Variants in PSMD1 observed in about 807,000 individuals in gnomAD.
PSMD1 encodes the protein proteasome 26S subunit, non-ATPase 1.
Under a neutral mutation model 119.0 loss-of-function variants are expected in PSMD1, and 18 were observed. The ratio of observed to expected loss-of-function variants is 0.15; its 90% confidence interval spans 0.10 to 0.22. The LOEUF (loss-of-function observed/expected upper bound fraction) is 0.22, where lower values mean the gene tolerates loss of function less well. PSMD1 is among the 10% of genes least tolerant of loss of function. The pLI is 1.00. For missense variants in PSMD1, 702 were observed against 1,158.5 expected (o/e 0.61, Z 5.72); for synonymous variants, 374 against 396.6 (o/e 0.94, Z 0.68).
chr2:231,139,565 AAAAAAAAAAAG>A (rs1274725987), intron 17 of PSMD1, among the ~76,000 whole-genome samples: 2 of 148,502 alleles, frequency 1.3e-5, no homozygotes, highest in African/African-American at 5.0e-5. Flanking sequence ...TCTTAAAAAA[AAAAAAAAAAAG>A]AAGAAGAAGA....
chr2:231,157,411 CTGTT>C lies in PSMD1; in HGVS notation c.2218+3749_2218+3752del, dbSNP rs1205767665. Among the ~76,000 whole-genome samples, 4 of 149,462 alleles carry C rather than the reference CTGTT, an allele frequency of 2.7e-5. No individual in the cohort carries two copies. In the South Asian group the frequency reaches 6.4e-4, roughly 24 times the overall value. ...GTTCTCTTCCTTCCTCTTTCAGCCT[CTGTT>C]TGTCTTTTCTTTTTCTTTTTTTTTT... On this transcript the variant is annotated intron_variant, in intron 19 of 24. Transcript: ENST00000308696.
chr2:231,110,051 G>A (rs1174018606), intron 16 of PSMD1, among the ~76,000 whole-genome samples: 3 of 152,172 alleles, frequency 2.0e-5, no homozygotes, highest in Admixed American at 6.5e-5. Context: ...GCACAGTGGC[G>A]CTCATGCCTG....
chr2:231,163,312 A>T, intron 20 of PSMD1: 1 of 220,806 alleles, frequency 4.5e-6, no homozygotes, highest in South Asian at 1.3e-4. Flanking sequence ...TAGACCATCA[A>T]ATGCTTTACA....
chr2:231,058,094 T>G (rs1396247662), intron 1 of PSMD1, among the ~76,000 whole-genome samples: 2 of 152,230 alleles, frequency 1.3e-5, no homozygotes, highest in African/African-American at 4.8e-5. Context: ...CACTTGTACC[T>G]GAAATAAGAC....
chr2:231,061,293 G>A lies in PSMD1; in HGVS notation c.43G>A (p.Asp15Asn), dbSNP rs1399069065. 6.3e-7 allele frequency: 1 copy of A among 1,597,426 alleles called. No homozygotes were observed. Among genetic ancestry groups the A allele is most frequent in the Non-Finnish European group, 8.6e-7 (1 of 1,166,716 alleles). Residue 15 changes from aspartate to asparagine, a missense_variant, in exon 2 of 25, where the codon GAT becomes AAT. Around this residue, in one of 9 missense-constraint regions of PSMD1, gnomAD observed 60 missense variants for 118.2 expected, o/e 0.51. Transcript: ENST00000308696. ...AAGIISLLDEDEPQLKEFALH... is the reference protein window; with the variant it reads ...AAGIISLLDENEPQLKEFALH... ...TGGAATTATTTCTCTTCTGGATGAA[G>A]ATGAACCACAGCTTAAGGTATGAAT...
intron 16 of PSMD1, among the ~76,000 whole-genome samples, chr2:231,101,645 G>A (rs531836679): frequency 6.6e-6 from 1 of 152,230 alleles, no homozygotes; most frequent in South Asian, 2.1e-4. Flanking sequence ...AGCTAATGTG[G>A]CAGACTTCAT....
At chr2:231,062,225 A>G (rs1252498506) in intron 2 of PSMD1, 23 bp from the exon 3 acceptor site, 1 of 1,546,366 alleles carries the variant, frequency 6.5e-7, no homozygotes, top group African/African-American at 1.4e-5. Context: ...ATCTCAAAAT[A>G]GGATTTTGGT....
intron 16 of PSMD1, among the ~76,000 whole-genome samples, chr2:231,090,135 A>G (rs1371985881): frequency 6.6e-6 from 1 of 152,258 alleles, no homozygotes. Context: ...GGAGTTGTAC[A>G]AGGAGATTAA....
intron 6 of PSMD1, among the ~76,000 whole-genome samples, chr2:231,071,739 G>A (rs1694044998): frequency 6.6e-6 from 1 of 152,154 alleles, no homozygotes; most frequent in Non-Finnish European, 1.5e-5. Flanking sequence ...GATCATAAGA[G>A]TAGTAAGAGA....
chr2:231,127,793 A>G (rs923670229), intron 16 of PSMD1, among the ~76,000 whole-genome samples: 1 of 152,244 alleles, frequency 6.6e-6, no homozygotes, highest in Admixed American at 6.5e-5. Context: ...AAATAATAAG[A>G]AATATAAAAG....
chr2:231,065,172 T>G (rs1693871819), intron 4 of PSMD1, among the ~76,000 whole-genome samples: 1 of 151,568 alleles, frequency 6.6e-6, no homozygotes, highest in Non-Finnish European at 1.5e-5. Context: ...TGCCCTCGTC[T>G]TCTTACTTAT....
chr2:231,068,640 A>G (rs531000162), intron 5 of PSMD1, among the ~76,000 whole-genome samples: 185 of 152,292 alleles, frequency 1.2e-3, no homozygotes, highest in Non-Finnish European at 2.1e-3. Flanking sequence ...TCCATCCCGC[A>G]TGGGATGTGA....
rs1463573386 is a variant in PSMD1, at chr2:231,158,855, T to C, written c.2219-2485T>C. 1.8e-4 allele frequency among the ~76,000 whole-genome samples: 27 copies of C among 152,216 alleles called. 1 individual carries two copies. The highest frequency in any genetic ancestry group is 1.8e-3 in the Admixed American group (27 of 15,276). ...TAGTTAGCATTCAGTGAATGGGGGTTAGCGTAGGGAAGAGTACAAGTAGAC... is the reference window on the plus strand; with the variant it reads ...TAGTTAGCATTCAGTGAATGGGGGTCAGCGTAGGGAAGAGTACAAGTAGAC... On this transcript the variant is annotated intron_variant, in intron 19 of 24. Coordinates refer to ENST00000308696, the MANE Select transcript of PSMD1 (RefSeq NM_002807.4).
At chr2:231,132,171 T>G (rs1249406501) in intron 16 of PSMD1, among the ~76,000 whole-genome samples, 1 of 152,228 alleles carries the variant, frequency 6.6e-6, no homozygotes, top group East Asian at 1.9e-4. Flanking sequence ...CTATCCCCTT[T>G]CAGAAAACTT....
At chr2:231,075,807 T>C (rs1367211918) in intron 8 of PSMD1, among the ~76,000 whole-genome samples, 1 of 152,114 alleles carries the variant, frequency 6.6e-6, no homozygotes, top group African/African-American at 2.4e-5. Flanking sequence ...GGTCATGAAC[T>C]CCTGAGCTCA....
intron 16 of PSMD1, among the ~76,000 whole-genome samples, chr2:231,100,409 A>C (rs1694835797): frequency 6.6e-6 from 1 of 152,042 alleles, no homozygotes; most frequent in Non-Finnish European, 1.5e-5. Flanking sequence ...CTGATTGGCT[A>C]ATTTAAAGAG....
intron 12 of PSMD1, among the ~76,000 whole-genome samples, chr2:231,080,868 C>T (rs1694292437): frequency 6.6e-6 from 1 of 152,102 alleles, no homozygotes; most frequent in Admixed American, 6.6e-5. Flanking sequence ...CAGGGCTGGG[C>T]ACGGTGGCTC....
At chr2:231,080,958 C>T (rs1041232931) in intron 12 of PSMD1, among the ~76,000 whole-genome samples, 3 of 152,060 alleles carry the variant, frequency 2.0e-5, no homozygotes, top group African/African-American at 7.2e-5. Context: ...GCCTGGCCAA[C>T]ATGGTGAAAC....
chr2:231,082,883 A>G lies in PSMD1; in HGVS notation c.1414A>G (p.Ile472Val), dbSNP rs772882726. 1 of 1,611,104 alleles carries G rather than the reference A, an allele frequency of 6.2e-7. No homozygotes were observed. Among genetic ancestry groups the G allele is most frequent in the Non-Finnish European group, 8.5e-7 (1 of 1,177,738 alleles). The change falls in exon 13 of 25, where the codon ATC becomes GTC. Residue 472 changes from isoleucine to valine, a missense_variant and splice_region_variant. Transcript: ENST00000308696. ...AATGGAATCTATGTTTTTTCCTTAGATCGTTAGACACGGTGGCAGTCTGGG... is the reference window on the plus strand; with the variant it reads ...AATGGAATCTATGTTTTTTCCTTAGGTCGTTAGACACGGTGGCAGTCTGGG... ...LNQLKNASND[I>V]VRHGGSLGLG...
Sources: gnomAD v4.1 joint callset for allele counts (sites outside exome capture counted in the v4.1 genomes callset) on GRCh38, gnomAD v4.1.1 for gene constraint, gnomAD v4.1.1 regional missense constraint, MANE v1.5 for transcripts, NCBI Gene and HGNC (gene_info 2026-07-23, HGNC 2026-07-21) for gene names.